The following TBC1D19 variants were observed in gnomAD, a reference collection of about 807,000 sequenced individuals.
The protein encoded by TBC1D19 is TBC1 domain family member 19.
Under a neutral mutation model 89.0 loss-of-function variants are expected in TBC1D19, and 60 were observed. The observed-to-expected ratio is 0.67, with a 90% CI of 0.55 to 0.84. The LOEUF (loss-of-function observed/expected upper bound fraction) is 0.84. Among genes scored for constraint, TBC1D19 ranks in the 40% least tolerant of loss-of-function variants. The pLI is 0.00. For missense variants in TBC1D19, 500 were observed against 610.8 expected, an observed-to-expected ratio of 0.82 and a Z score of 1.91; for synonymous variants, 189 against 199.7, an observed-to-expected ratio of 0.95 and a Z score of 0.45.
At chr4:26,624,033 C>T (rs2110041818) in intron 4 of TBC1D19, among the ~76,000 whole-genome samples, 1 of 152,192 alleles carries the variant, frequency 6.6e-6, no homozygotes, top group South Asian at 2.1e-4. Flanking sequence ...ATTCCAGAGC[C>T]CAGCATTTAA....
At chr4:26,736,865 CAT>C (rs1368177231) in intron 16 of TBC1D19, among the ~76,000 whole-genome samples, 3 of 152,122 alleles carry the variant, frequency 2.0e-5, no homozygotes, top group Non-Finnish European at 4.4e-5. Context: ...TCTGAGGCCT[CAT>C]GTGTCATTAA....
chr4:26,721,721 T>TA (rs1468515312), intron 15 of TBC1D19, among the ~76,000 whole-genome samples: 1 of 152,188 alleles, frequency 6.6e-6, no homozygotes, highest in African/African-American at 2.4e-5. Flanking sequence ...CTGATCCCTA[T>TA]AGTCTACCTC....
chr4:26,648,228 C>T (rs191214701), intron 7 of TBC1D19, among the ~76,000 whole-genome samples: 258 of 152,286 alleles, frequency 1.7e-3, no homozygotes, highest in African/African-American at 6.0e-3. Context: ...CATCAAGATA[C>T]ATGTGAGATA....
At chr4:26,579,103 A>G (rs1317813498), upstream of TBC1D19, among the ~76,000 whole-genome samples, 1 of 152,178 alleles carries the variant, frequency 6.6e-6, no homozygotes, top group Non-Finnish European at 1.5e-5. Context: ...TATAATTTAG[A>G]TTCTCAGTCT....
the TBC1D19 span, among the ~76,000 whole-genome samples, chr4:26,838,564 A>G: frequency 2.0e-5 from 3 of 152,234 alleles, no homozygotes; most frequent in Non-Finnish European, 2.9e-5. Flanking sequence ...AACACAGTAT[A>G]TATGTTAAAA....
intron 4 of TBC1D19, among the ~76,000 whole-genome samples, chr4:26,630,330 T>C (rs1742730306): frequency 6.6e-6 from 1 of 152,038 alleles, no homozygotes; most frequent in Non-Finnish European, 1.5e-5. Flanking sequence ...GGTAGATGTC[T>C]TCCTATCTGA....
chr4:26,666,607 T>C (rs547656984), intron 9 of TBC1D19, among the ~76,000 whole-genome samples: 2 of 152,176 alleles, frequency 1.3e-5, no homozygotes, highest in East Asian at 3.9e-4. Context: ...GTCTTTTTAT[T>C]TGAAAGTCTT....
intron 1 of TBC1D19, among the ~76,000 whole-genome samples, chr4:26,612,416 G>A (rs1391688570): frequency 2.0e-5 from 3 of 151,734 alleles, no homozygotes; most frequent in Non-Finnish European, 2.9e-5. Flanking sequence ...GTAAGAGAAG[G>A]AACAAGACAG....
At chr4:26,788,189 G>T in the TBC1D19 span, among the ~76,000 whole-genome samples, 2 of 152,160 alleles carry the variant, frequency 1.3e-5, no homozygotes, top group East Asian at 3.9e-4. Flanking sequence ...TCAGGGGAGG[G>T]GCTGTGCTTT....
the TBC1D19 span, among the ~76,000 whole-genome samples, chr4:26,774,874 C>T: frequency 6.6e-6 from 1 of 152,104 alleles, no homozygotes; most frequent in Non-Finnish European, 1.5e-5. Flanking sequence ...AGTTCTTAAT[C>T]TAAGAAGGAA....
chr4:26,822,046 G>T, the TBC1D19 span, among the ~76,000 whole-genome samples: 2 of 152,204 alleles, frequency 1.3e-5, no homozygotes, highest in African/African-American at 2.4e-5. Flanking sequence ...GCCAAGCCCC[G>T]CTGTTGCCTG....
intron 7 of TBC1D19, among the ~76,000 whole-genome samples, chr4:26,647,858 C>T (rs1744079839): frequency 6.6e-6 from 1 of 152,032 alleles, no homozygotes; most frequent in African/African-American, 2.4e-5. Flanking sequence ...AAAGGTTTCA[C>T]TGGCTCTTCT....
chr4:26,811,534 G>A, the TBC1D19 span, among the ~76,000 whole-genome samples: 40,663 of 152,146 alleles, frequency 0.27, 6,133 homozygotes, highest in Non-Finnish European at 0.34. Flanking sequence ...AATCGGTCCC[G>A]ATCCAGACCC....
chr4:26,686,418 G>T (rs1030041483), intron 12 of TBC1D19, among the ~76,000 whole-genome samples: 21 of 142,518 alleles, frequency 1.5e-4, no homozygotes, highest in South Asian at 2.2e-4. Context: ...TTTGTGTTTT[G>T]TTTTTTTTTT....
At chr4:26,672,548 G>A (rs1055625574) in intron 10 of TBC1D19, among the ~76,000 whole-genome samples, 1 of 151,974 alleles carries the variant, frequency 6.6e-6, no homozygotes, top group Admixed American at 6.6e-5. Flanking sequence ...TAGAGTTAAT[G>A]GGAATATGCT....
chr4:26,810,617 T>C, the TBC1D19 span, among the ~76,000 whole-genome samples: 1 of 152,032 alleles, frequency 6.6e-6, no homozygotes, highest in Non-Finnish European at 1.5e-5. Context: ...GCCATGCTGT[T>C]CTCCGTGCCA....
chr4:26,606,047 C>G (rs1228882494), intron 1 of TBC1D19, among the ~76,000 whole-genome samples: 1 of 152,178 alleles, frequency 6.6e-6, no homozygotes, highest in Non-Finnish European at 1.5e-5. Context: ...TGTAGTCTCA[C>G]TGTGTTGCCC....
At chr4:26,844,964 A>G in the TBC1D19 span, among the ~76,000 whole-genome samples, 3 of 152,240 alleles carry the variant, frequency 2.0e-5, no homozygotes, top group East Asian at 5.8e-4. Context: ...TATAGTTGAA[A>G]TTAAATTATA....
At chr4:26,851,359 A>G in the TBC1D19 span, among the ~76,000 whole-genome samples, 1 of 147,848 alleles carries the variant, frequency 6.8e-6, no homozygotes, top group Non-Finnish European at 1.5e-5. Context: ...CTATCTATCT[A>G]TCATCTATCC....
Sources: gnomAD v4.1 joint callset for allele counts (sites outside exome capture counted in the v4.1 genomes callset) on GRCh38, gnomAD v4.1.1 for gene constraint, MANE v1.5 for transcripts, NCBI Gene and HGNC (gene_info 2026-07-23, HGNC 2026-07-21) for gene names.